CDH12: variants seen among roughly 807,000 people sequenced by gnomAD.
CDH12 encodes cadherin-12.
A neutral mutation model predicts 74.1 loss-of-function variants in CDH12; 41 were observed. The ratio of observed to expected loss-of-function variants is 0.55; its 90% CI spans 0.43 to 0.72. CDH12 has a LOEUF of 0.72. Ranked by LOEUF, CDH12 falls within the 30% of genes least tolerant of loss-of-function variation. CDH12 has a pLI of 0.00. For synonymous variants in CDH12, 399 were observed against 355.0 expected (o/e 1.12, Z -1.39); for missense variants, 945 against 977.2 (o/e 0.97, Z 0.44).
intron 1 of CDH12, among the ~76,000 whole-genome samples, chr5:22,538,138 C>A (rs1236024965): frequency 2.0e-5 from 3 of 152,140 alleles, no homozygotes; most frequent in Non-Finnish European, 2.9e-5. Flanking sequence ...TTCTTCACCC[C>A]AAGTGCATTC....
intron 1 of CDH12, among the ~76,000 whole-genome samples, chr5:22,668,669 C>T (rs117904585): frequency 2.0e-4 from 31 of 152,208 alleles, no homozygotes; most frequent in Middle Eastern, 3.4e-3. Context: ...ATCCAGTAAC[C>T]CATTAATCTG....
chr5:22,587,460 CTTTCA>C (rs1024380229), intron 1 of CDH12, among the ~76,000 whole-genome samples: 128 of 152,240 alleles, frequency 8.4e-4, no homozygotes, highest in African/African-American at 3.0e-3. Flanking sequence ...GTTCCTGGGT[CTTTCA>C]TTTAATTTCA....
intron 1 of CDH12, among the ~76,000 whole-genome samples, chr5:22,619,247 T>A (rs1473766303): frequency 6.6e-6 from 1 of 152,090 alleles, no homozygotes; most frequent in Non-Finnish European, 1.5e-5. Flanking sequence ...TGTATTTTAC[T>A]TGGTGAATAT....
intron 6 of CDH12, among the ~76,000 whole-genome samples, chr5:21,961,032 CT>C (rs1756336690): frequency 6.6e-6 from 1 of 151,812 alleles, no homozygotes; most frequent in South Asian, 2.1e-4. Context: ...GTGTAGTGTT[CT>C]AAAACTTGAA....
At chr5:22,317,646 A>G (rs1738689300) in intron 3 of CDH12, among the ~76,000 whole-genome samples, 1 of 152,198 alleles carries the variant, frequency 6.6e-6, no homozygotes, top group South Asian at 2.1e-4. Flanking sequence ...TTCTATATAC[A>G]TATTTTAAAA....
intron 1 of CDH12, among the ~76,000 whole-genome samples, chr5:22,749,234 C>G (rs1378231843): frequency 6.6e-6 from 1 of 152,194 alleles, no homozygotes; most frequent in Non-Finnish European, 1.5e-5. Context: ...GGGCCTGGCC[C>G]TGAAGCAAAC....
At chr5:22,729,966 C>T (rs1744350277) in intron 1 of CDH12, among the ~76,000 whole-genome samples, 1 of 151,794 alleles carries the variant, frequency 6.6e-6, no homozygotes, top group African/African-American at 2.4e-5. Context: ...AAAACTTCTA[C>T]AGTAAATGTA....
At chr5:22,438,900 A>T (rs1744512755) in intron 2 of CDH12, among the ~76,000 whole-genome samples, 1 of 151,854 alleles carries the variant, frequency 6.6e-6, no homozygotes, top group African/African-American at 2.4e-5. Context: ...ATCTTAATAT[A>T]TATCTTTAAA....
chr5:21,817,796 C>T (rs1350692918), intron 8 of CDH12, among the ~76,000 whole-genome samples: 1 of 144,562 alleles, frequency 6.9e-6, no homozygotes, highest in African/African-American at 2.5e-5. Flanking sequence ...GTTCTGTCTC[C>T]CGAAGTTTTT....
chr5:22,159,376 C>G (rs556977988), intron 4 of CDH12, among the ~76,000 whole-genome samples: 5 of 152,228 alleles, frequency 3.3e-5, no homozygotes, highest in African/African-American at 1.2e-4. Context: ...TATGCCTACA[C>G]ATTTTCATTA....
chr5:22,719,906 G>A (rs988805132), intron 1 of CDH12, among the ~76,000 whole-genome samples: 2 of 152,092 alleles, frequency 1.3e-5, no homozygotes, highest in African/African-American at 2.4e-5. Flanking sequence ...GGGAGCCCCT[G>A]GGGAAAGAAG....
intron 2 of CDH12, among the ~76,000 whole-genome samples, chr5:22,483,763 T>TATATATATATATATATAA (rs902754630): frequency 4.4e-5 from 4 of 91,824 alleles, no homozygotes; most frequent in Non-Finnish European, 8.9e-5. Context: ...TATATATATA[T>TATATATATATATATATAA]AAATTTAATT....
At chr5:21,977,587 G>T (rs1189783947) in intron 5 of CDH12, among the ~76,000 whole-genome samples, 1 of 152,002 alleles carries the variant, frequency 6.6e-6, no homozygotes, top group Non-Finnish European at 1.5e-5. Flanking sequence ...AAAGAAAAAA[G>T]AAAAACAAAA....
intron 10 of CDH12, among the ~76,000 whole-genome samples, chr5:21,785,937 C>G (rs1236111485): frequency 6.6e-6 from 1 of 152,148 alleles, no homozygotes; most frequent in Non-Finnish European, 1.5e-5. Flanking sequence ...ACACTCAAAG[C>G]TAGAGAGAAG....
At chr5:22,226,927 TA>T (rs1752213971) in intron 3 of CDH12, among the ~76,000 whole-genome samples, 1 of 151,788 alleles carries the variant, frequency 6.6e-6, no homozygotes, top group Non-Finnish European at 1.5e-5. Flanking sequence ...TGCCTCAATA[TA>T]ATGGAATATG....
intron 13 of CDH12, 84 bp downstream of exon 13, chr5:21,760,474 T>C: frequency 1.4e-6 from 1 of 723,394 alleles, no homozygotes; most frequent in Non-Finnish European, 2.5e-6. Context: ...ATTAAGTGCT[T>C]CAAAGAAAAG....
intron 5 of CDH12, among the ~76,000 whole-genome samples, chr5:21,986,203 A>T (rs1307036566): frequency 6.6e-6 from 1 of 152,200 alleles, no homozygotes; most frequent in Non-Finnish European, 1.5e-5. Context: ...AAGCTCACAG[A>T]AGAAAAAAGA....
intron 5 of CDH12, among the ~76,000 whole-genome samples, chr5:22,037,348 A>G (rs1739261369): frequency 1.3e-5 from 2 of 152,264 alleles, no homozygotes; most frequent in Non-Finnish European, 2.9e-5. Flanking sequence ...AAATTTGACT[A>G]TGAAAACAAA....
At chr5:22,792,086 C>CTTTTT (rs757562010) in intron 1 of CDH12, among the ~76,000 whole-genome samples, 2 of 125,394 alleles carry the variant, frequency 1.6e-5, no homozygotes, top group Admixed American at 8.2e-5. Flanking sequence ...TGAACTAGGG[C>CTTTTT]TTTTTTTTTT....
Sources: allele counts gnomAD v4.1 joint callset (sites outside exome capture counted in the v4.1 genomes callset), GRCh38; gene constraint gnomAD v4.1.1; transcripts MANE v1.5; gene names NCBI Gene and HGNC (gene_info 2026-07-23, HGNC 2026-07-21).